Variants in PKNOX1 observed in about 807,000 individuals in gnomAD.
The protein encoded by PKNOX1 is PBX/knotted 1 homeobox 1.
PKNOX1 carries 15 observed loss-of-function variants against 51.9 expected under a neutral mutation model. The observed-to-expected ratio is 0.29, with a 90% CI of 0.19 to 0.45. PKNOX1 has a LOEUF of 0.45. Among genes scored for constraint, PKNOX1 ranks in the 20% least tolerant of loss-of-function variants. The probability of loss-of-function intolerance (pLI) is 1.00; values close to 1 mark genes in which losing one functional copy is unlikely to be tolerated. For missense variants in PKNOX1, 462 were observed against 547.5 expected (o/e 0.84, Z 1.56); for synonymous variants, 219 against 211.1 (o/e 1.04, Z -0.32).
At position 43,016,964 on chromosome 21, in the gene PKNOX1, G is replaced by A. The variant is rs372301185; in HGVS notation, c.579G>A (p.Ala193=). The change falls in exon 6 of 11, where the codon GCG becomes GCA. Residue 193 remains alanine, a synonymous_variant. Transcript: ENST00000291547. The stretch of plus-strand genomic sequence containing the variant: ...GCCCTCAGGGAATTGTGGTGCCGGC[G>A]TCCGCGCTGCAGCAGGGAAACGTAG... ...TISPQGIVVP[A]SALQQGNVAM... 2.8e-5 allele frequency: 45 copies of A among 1,612,904 alleles called. No homozygotes were observed. Among genetic ancestry groups the A allele is most frequent in the East Asian group, 2.2e-4 (10 of 44,900 alleles).
At chr21:42,999,483 T>C (rs1485250642) in intron 1 of PKNOX1, among the ~76,000 whole-genome samples, 1 of 151,676 alleles carries the variant, frequency 6.6e-6, no homozygotes, top group Non-Finnish European at 1.5e-5. Context: ...GATTTTCTTT[T>C]CTTTTTTTTT....
At chr21:42,977,183 C>T (rs2059001312) in intron 1 of PKNOX1, among the ~76,000 whole-genome samples, 2 of 152,132 alleles carry the variant, frequency 1.3e-5, no homozygotes, top group South Asian at 4.1e-4. Context: ...GTAGACGTAA[C>T]ATAATTCTTC....
intron 1 of PKNOX1, among the ~76,000 whole-genome samples, chr21:42,988,774 G>C (rs374379586): frequency 6.6e-6 from 1 of 152,148 alleles, no homozygotes; most frequent in East Asian, 1.9e-4. Context: ...GCCCAGGAAC[G>C]GAGTGGGTTG....
At chr21:43,007,641 T>C in intron 3 of PKNOX1, 23 bp downstream of exon 3, 4 of 1,613,798 alleles carry the variant, frequency 2.5e-6, no homozygotes, top group Non-Finnish European at 3.4e-6. Context: ...GTGCCGGCTG[T>C]GGGGGCCTCA....
At chr21:42,980,744 C>G (rs545004864) in intron 1 of PKNOX1, among the ~76,000 whole-genome samples, 1 of 152,258 alleles carries the variant, frequency 6.6e-6, no homozygotes, top group East Asian at 1.9e-4. Context: ...TCTGGTAATT[C>G]ATTTGGGAGT....
chr21:42,983,849 A>C (rs4920027), intron 1 of PKNOX1, among the ~76,000 whole-genome samples: 5,782 of 152,228 alleles, frequency 0.038, 139 homozygotes, highest in Middle Eastern at 0.061. Context: ...TCCGTATCTT[A>C]CCCAACACTT....
intron 1 of PKNOX1, among the ~76,000 whole-genome samples, chr21:43,001,996 T>TAAA (rs1321083717): frequency 2.0e-5 from 3 of 151,620 alleles, no homozygotes; most frequent in African/African-American, 7.3e-5. Flanking sequence ...AAAATAAAAA[T>TAAA]AAAGTTTTAG....
chr21:43,032,390 C>G lies in PKNOX1; in HGVS notation c.*2289C>G. 3.2e-6 allele frequency: 1 copy of G among 312,924 alleles called. No homozygotes were observed. The highest frequency in any genetic ancestry group is 6.5e-6 in the Non-Finnish European group (1 of 153,218). 19.4% of individuals were successfully genotyped at this position (312,924 alleles called of 1,614,324 possible). ...GTGGAAGCCATTCACAGAATGTAGA[C>G]TCATGTATAGGTCACCGTTTCTTTC... On this transcript the variant is annotated 3_prime_UTR_variant, in exon 11 of 11. Transcript: ENST00000291547.
intron 1 of PKNOX1, among the ~76,000 whole-genome samples, chr21:43,001,329 T>G (rs989758111): frequency 6.6e-6 from 1 of 152,190 alleles, no homozygotes. Flanking sequence ...GTTGATAGGA[T>G]TCCCCCGGGC....
chr21:43,016,581 ATGTG>A (rs1415475479), intron 5 of PKNOX1, among the ~76,000 whole-genome samples: 1 of 152,180 alleles, frequency 6.6e-6, no homozygotes, highest in Admixed American at 6.5e-5. Flanking sequence ...AATGAAAAAG[ATGTG>A]TGATCAGAAA....
intron 1 of PKNOX1, among the ~76,000 whole-genome samples, chr21:42,988,555 T>C (rs558483778): frequency 6.6e-6 from 1 of 152,288 alleles, no homozygotes; most frequent in African/African-American, 2.4e-5. Flanking sequence ...ACCATTAGAA[T>C]TGTAAAGGAA....
In PKNOX1 at chr21:42,991,601, A is replaced by G. The variant is rs552261294; in HGVS notation, c.-56-12725A>G. Among the ~76,000 whole-genome samples the G allele has an allele frequency of 5.3e-5, 8 of 152,050 alleles. No homozygotes were observed. In the South Asian group the frequency reaches 6.2e-4, roughly 12 times the overall value. ...AATTTAGCTGGGCATGGTGGCGGGC[A>G]CCTGTAGTCCCAGCTACTCGGGAGG... On this transcript the variant is annotated intron_variant, in intron 1 of 10. Coordinates refer to ENST00000291547, the MANE Select transcript of PKNOX1 (RefSeq NM_004571.5).
chr21:43,022,656 C>T (rs921955132), intron 8 of PKNOX1, among the ~76,000 whole-genome samples: 1 of 152,144 alleles, frequency 6.6e-6, no homozygotes, highest in Non-Finnish European at 1.5e-5. Context: ...AGCGGGGCTG[C>T]TCCGAGAAAT....
At chr21:43,019,418 A>ACC (rs201179884) in intron 7 of PKNOX1, among the ~76,000 whole-genome samples, 1 of 148,850 alleles carries the variant, frequency 6.7e-6, no homozygotes, top group Non-Finnish European at 1.5e-5. Flanking sequence ...ACAAAAAAAA[A>ACC]ACACACATTT....
intron 5 of PKNOX1, among the ~76,000 whole-genome samples, chr21:43,015,612 CCCT>C (rs1324910788): frequency 1.3e-5 from 2 of 151,992 alleles, no homozygotes; most frequent in East Asian, 1.9e-4. Flanking sequence ...GGGAAGTATT[CCCT>C]CCTCTTATTT....
At chr21:43,025,920 G>T (rs2839624) in intron 9 of PKNOX1, among the ~76,000 whole-genome samples, 36,912 of 152,154 alleles carry the variant, frequency 0.24, 4,840 homozygotes, top group Non-Finnish European at 0.29. Flanking sequence ...TCTTTTAGAT[G>T]TGGGTAGTCA....
intron 2 of PKNOX1, among the ~76,000 whole-genome samples, chr21:43,005,579 G>A (rs925396532): frequency 1.3e-5 from 2 of 150,028 alleles, no homozygotes; most frequent in African/African-American, 4.9e-5. Context: ...TGTCCCGCCT[G>A]AGCTCTCCAG....
At chr21:43,025,092 G>T (rs1399030112) in intron 9 of PKNOX1, 145 bp downstream of exon 9, 4 of 605,750 alleles carry the variant, frequency 6.6e-6, no homozygotes, top group Non-Finnish European at 1.2e-5. Flanking sequence ...TTGCTGTGTT[G>T]CCCAGGCTGG....
chr21:42,985,379 G>A (rs1477664574), intron 1 of PKNOX1, among the ~76,000 whole-genome samples: 4 of 152,180 alleles, frequency 2.6e-5, no homozygotes, highest in African/African-American at 4.8e-5. Flanking sequence ...CTGTCATCCA[G>A]GTTGGAGTGC....
Sources: allele counts gnomAD v4.1 joint callset (sites outside exome capture counted in the v4.1 genomes callset), GRCh38; gene constraint gnomAD v4.1.1; transcripts MANE v1.5; gene names NCBI Gene and HGNC (gene_info 2026-07-23, HGNC 2026-07-21).